The following PEBP4 variants were observed in gnomAD, a reference collection of about 807,000 sequenced individuals.
PEBP4 encodes the protein phosphatidylethanolamine binding protein 4, also known as phosphatidylethanolamine-binding protein 4.
Under a neutral mutation model 23.9 loss-of-function variants are expected in PEBP4, and 22 were observed. That is an observed-to-expected ratio of 0.92 (90% CI 0.66 to 1.31). The LOEUF (loss-of-function observed/expected upper bound fraction) is 1.31. PEBP4 is among the 40% of genes most tolerant of loss of function. The probability of loss-of-function intolerance (pLI) is 0.00; values close to 1 mark genes in which losing one functional copy is unlikely to be tolerated. For synonymous variants in PEBP4, 112 were observed against 99.3 expected (o/e 1.13, Z -0.76); for missense variants, 324 against 281.7 (o/e 1.15, Z -1.07).
intron 2 of PEBP4, among the ~76,000 whole-genome samples, chr8:22,924,060 C>T (rs895003765): frequency 5.9e-5 from 9 of 152,298 alleles, no homozygotes; most frequent in East Asian, 1.9e-4. Context: ...AAGTGTGGGT[C>T]ACCCCACTTG....
intron 4 of PEBP4, chr8:22,744,781 G>A (rs62494981): frequency 0.18 from 27,693 of 152,170 alleles, 2,822 homozygotes; most frequent in East Asian, 0.49. Flanking sequence ...GTTAGACAGT[G>A]ACAGCAGTCC....
intron 3 of PEBP4, among the ~76,000 whole-genome samples, chr8:22,864,270 C>T (rs1325794161): frequency 6.6e-6 from 1 of 152,206 alleles, no homozygotes; most frequent in African/African-American, 2.4e-5. Flanking sequence ...CCCTTCCCTC[C>T]CTCCTTGCCT....
At chr8:22,817,877 C>A in intron 3 of PEBP4, 142 bp from the exon 4 acceptor site, 1 of 694,884 alleles carries the variant, frequency 1.4e-6, no homozygotes. Context: ...TCCTTGCTCT[C>A]GTGACATCCC....
At chr8:22,719,067 GTC>G in intron 6 of PEBP4, among the ~76,000 whole-genome samples, 1 of 152,082 alleles carries the variant, frequency 6.6e-6, no homozygotes, top group Middle Eastern at 3.2e-3. Flanking sequence ...GTCCCTGCCC[GTC>G]TCTCCTCTCT....
chr8:22,900,227 T>C (rs904443980), intron 3 of PEBP4, among the ~76,000 whole-genome samples: 1 of 152,036 alleles, frequency 6.6e-6, no homozygotes, highest in African/African-American at 2.4e-5. Flanking sequence ...CAGTTAAGAA[T>C]GGGGAAGGGT....
intron 3 of PEBP4, among the ~76,000 whole-genome samples, chr8:22,916,150 T>C (rs1269331910): frequency 6.6e-6 from 1 of 152,160 alleles, no homozygotes; most frequent in African/African-American, 2.4e-5. Context: ...GAGGCAGCCT[T>C]TTGTTCCCTC....
chr8:22,717,094 G>A (rs1804432166), intron 6 of PEBP4, among the ~76,000 whole-genome samples: 1 of 152,124 alleles, frequency 6.6e-6, no homozygotes, highest in African/African-American at 2.4e-5. Context: ...GGGTGCAGTG[G>A]CACTATCACC....
chr8:22,810,433 C>T (rs1342166013), intron 4 of PEBP4, among the ~76,000 whole-genome samples: 1 of 152,154 alleles, frequency 6.6e-6, no homozygotes, highest in Admixed American at 6.5e-5. Flanking sequence ...TCCCCCACCG[C>T]CAACCCCCTC....
chr8:22,902,721 G>A (rs1554495964), intron 3 of PEBP4, among the ~76,000 whole-genome samples: 1 of 152,230 alleles, frequency 6.6e-6, no homozygotes, highest in Non-Finnish European at 1.5e-5. Flanking sequence ...CTGCCCAGGA[G>A]GAGTTAAGTT....
At chr8:22,846,819 T>C (rs1287236441) in intron 3 of PEBP4, among the ~76,000 whole-genome samples, 4 of 151,924 alleles carry the variant, frequency 2.6e-5, no homozygotes, top group African/African-American at 9.7e-5. Context: ...TTGGGCCAAA[T>C]AGAGATTGCC....
At chr8:22,801,351 C>T (rs1027688087) in intron 4 of PEBP4, among the ~76,000 whole-genome samples, 1 of 152,116 alleles carries the variant, frequency 6.6e-6, no homozygotes, top group East Asian at 1.9e-4. Flanking sequence ...ACAGAGCAGT[C>T]GTATGGACCC....
chr8:22,715,894 C>A (rs142777141), intron 6 of PEBP4, among the ~76,000 whole-genome samples: 1 of 152,142 alleles, frequency 6.6e-6, no homozygotes, highest in Non-Finnish European at 1.5e-5. Context: ...TAGGAGGCTG[C>A]GGCTTCTGTG....
intron 3 of PEBP4, among the ~76,000 whole-genome samples, chr8:22,829,786 C>G (rs751190835): frequency 6.6e-6 from 1 of 152,182 alleles, no homozygotes; most frequent in Non-Finnish European, 1.5e-5. Flanking sequence ...CTGCTTTTCC[C>G]CTATCCTTGT....
intron 3 of PEBP4, among the ~76,000 whole-genome samples, chr8:22,836,761 T>C (rs1389126055): frequency 6.6e-6 from 1 of 152,126 alleles, no homozygotes; most frequent in Non-Finnish European, 1.5e-5. Flanking sequence ...GAGAAACGTA[T>C]GTAAATTTCA....
chr8:22,904,318 G>A (rs1808767348), intron 3 of PEBP4, among the ~76,000 whole-genome samples: 1 of 152,190 alleles, frequency 6.6e-6, no homozygotes, highest in African/African-American at 2.4e-5. Context: ...TGGAGGCAGA[G>A]TCCCTCAGTT....
At chr8:22,910,613 C>T (rs145059009) in intron 3 of PEBP4, among the ~76,000 whole-genome samples, 70 of 152,326 alleles carry the variant, frequency 4.6e-4, no homozygotes, top group African/African-American at 1.6e-3. Flanking sequence ...GGCTTGGCAA[C>T]GATGGACAGG....
At chr8:22,874,862 T>C (rs998128439) in intron 3 of PEBP4, among the ~76,000 whole-genome samples, 67 of 152,346 alleles carry the variant, frequency 4.4e-4, no homozygotes, top group African/African-American at 1.6e-3. Context: ...ACATGAGGCA[T>C]CAGCTTTTCT....
At chr8:22,889,362 G>T (rs1369624685) in intron 3 of PEBP4, among the ~76,000 whole-genome samples, 1 of 152,240 alleles carries the variant, frequency 6.6e-6, no homozygotes, top group Non-Finnish European at 1.5e-5. Context: ...ACAATGCAGG[G>T]GCTGAGAAGA....
intron 4 of PEBP4, among the ~76,000 whole-genome samples, chr8:22,792,670 A>G (rs1370073022): frequency 1.3e-5 from 2 of 152,060 alleles, no homozygotes; most frequent in African/African-American, 4.8e-5. Flanking sequence ...TTGCTCTTTC[A>G]AAGAACACTC....
Sources: gnomAD v4.1 joint callset for allele counts (sites outside exome capture counted in the v4.1 genomes callset) on GRCh38, gnomAD v4.1.1 for gene constraint, MANE v1.5 for transcripts, NCBI Gene and HGNC (gene_info 2026-07-23, HGNC 2026-07-21) for gene names.